The following SLCO3A1 variants were observed in gnomAD, a reference collection of about 807,000 sequenced individuals.
SLCO3A1 encodes the protein solute carrier organic anion transporter family member 3A1.
Under a neutral mutation model 63.1 loss-of-function variants are expected in SLCO3A1, and 27 were observed. That is an observed-to-expected ratio of 0.43 (90% CI 0.32 to 0.59). The LOEUF (loss-of-function observed/expected upper bound fraction) is 0.59, where lower values mean the gene tolerates loss of function less well. Ranked by LOEUF, SLCO3A1 falls within the 20% of genes least tolerant of loss-of-function variation. The pLI, the probability that SLCO3A1 is intolerant of heterozygous loss-of-function variation, is 0.09. For synonymous variants in SLCO3A1, 473 were observed against 409.9 expected (o/e 1.15, Z -1.86); for missense variants, 773 against 945.8 (o/e 0.82, Z 2.40).
At chr15:92,105,268 T>G (rs1054159830) in intron 4 of SLCO3A1, among the ~76,000 whole-genome samples, 2 of 151,822 alleles carry the variant, frequency 1.3e-5, no homozygotes, top group Non-Finnish European at 2.9e-5. Context: ...AGCAAGACTC[T>G]CATCTCAAAA....
At position 92,164,074 on chromosome 15, in the gene SLCO3A1, G is replaced by A. The variant is rs1189731880; in HGVS notation, c.*939G>A. ...CAATCCATATGAATTTCAAACTGTT[G>A]TATGTATAATCCTCTAATACTATTT... On this transcript the variant is annotated 3_prime_UTR_variant, in exon 10 of 10. Transcript: ENST00000318445. 2 of 981,582 alleles carry A rather than the reference G, an allele frequency of 2.0e-6. No individual in the cohort carries two copies. Among genetic ancestry groups the A allele is most frequent in the Non-Finnish European group, 2.4e-6 (2 of 826,522 alleles). The allele number at this position is 981,582 out of a possible 1,614,324, so 60.8% of individuals were successfully genotyped here.
intron 2 of SLCO3A1, among the ~76,000 whole-genome samples, chr15:92,056,090 G>A (rs1361929249): frequency 6.6e-6 from 1 of 151,980 alleles, no homozygotes; most frequent in Non-Finnish European, 1.5e-5. Flanking sequence ...AGTCTTTGTT[G>A]CGTCTGCAGT....
intron 2 of SLCO3A1, among the ~76,000 whole-genome samples, chr15:92,015,896 G>A (rs1416404835): frequency 1.3e-5 from 2 of 152,166 alleles, no homozygotes; most frequent in Non-Finnish European, 2.9e-5. Flanking sequence ...AGCTGGAAAA[G>A]TAAGACATAA....
At chr15:91,976,356 G>T (rs372567067) in intron 2 of SLCO3A1, among the ~76,000 whole-genome samples, 1 of 152,130 alleles carries the variant, frequency 6.6e-6, no homozygotes, top group African/African-American at 2.4e-5. Context: ...AATTAATTTT[G>T]CATGTTTCTA....
rs1416383870 is a variant in SLCO3A1 at position 91,897,369 on chromosome 15, T to A, written c.181-18624T>A. Among the ~76,000 whole-genome samples, 1 of 152,070 alleles carries A rather than the reference T, an allele frequency of 6.6e-6. No individual in the cohort carries two copies. Among genetic ancestry groups the A allele is most frequent in the Non-Finnish European group, 1.5e-5 (1 of 68,020 alleles). On this transcript the variant is annotated intron_variant, in intron 1 of 9. Coordinates refer to ENST00000318445, the MANE Select transcript of SLCO3A1 (RefSeq NM_013272.4). This position sits in a 1 kb window ranked among gnomAD's most constrained non-coding sequence, Gnocchi z 4.7. Reference sequence around the variant, plus strand: ...AGGAGGCTGAGGCACGAGAATTGCTTGAACCCAGGAGGCAGAGGTTGCAGT... The same window carrying A: ...AGGAGGCTGAGGCACGAGAATTGCTAGAACCCAGGAGGCAGAGGTTGCAGT...
chr15:92,073,996 C>G (rs1203532453), intron 2 of SLCO3A1, among the ~76,000 whole-genome samples: 2 of 152,144 alleles, frequency 1.3e-5, no homozygotes, highest in Non-Finnish European at 2.9e-5. Context: ...TGGTGAAACC[C>G]CCGTCTCTAC....
At chr15:91,910,927 C>G (rs987363171) in intron 1 of SLCO3A1, among the ~76,000 whole-genome samples, 2 of 152,208 alleles carry the variant, frequency 1.3e-5, no homozygotes, top group African/African-American at 2.4e-5. Context: ...GGACACACCT[C>G]TGGGAGAGCC....
intron 2 of SLCO3A1, among the ~76,000 whole-genome samples, chr15:92,077,494 C>T (rs1373925183): frequency 6.6e-6 from 1 of 152,226 alleles, no homozygotes; most frequent in Non-Finnish European, 1.5e-5. Context: ...ACTGCTTCAG[C>T]CACACCAGTG....
chr15:91,906,485 G>T (rs1567179421), intron 1 of SLCO3A1, among the ~76,000 whole-genome samples: 1 of 152,196 alleles, frequency 6.6e-6, no homozygotes, highest in Non-Finnish European at 1.5e-5. Flanking sequence ...CAATGCATTT[G>T]ACAGGAAGCC....
intron 2 of SLCO3A1, among the ~76,000 whole-genome samples, chr15:92,064,126 C>T (rs574205011): frequency 6.6e-6 from 1 of 152,310 alleles, no homozygotes; most frequent in Admixed American, 6.5e-5. Context: ...TAACAGAGCC[C>T]TGCTGAGGCT....
chr15:92,046,723 A>G (rs1041513076), intron 2 of SLCO3A1, among the ~76,000 whole-genome samples: 2 of 151,560 alleles, frequency 1.3e-5, no homozygotes, highest in Non-Finnish European at 1.5e-5. Context: ...TCCTTGATTT[A>G]CTTCAGGTAG....
At chr15:92,156,478 C>T (rs1002501295) in intron 9 of SLCO3A1, among the ~76,000 whole-genome samples, 1 of 152,220 alleles carries the variant, frequency 6.6e-6, no homozygotes, top group Non-Finnish European at 1.5e-5. Context: ...GAGCCTAGCT[C>T]TGCCTTTCCT....
intron 1 of SLCO3A1, among the ~76,000 whole-genome samples, chr15:91,911,695 T>C (rs891475322): frequency 6.6e-6 from 1 of 152,118 alleles, no homozygotes; most frequent in Admixed American, 6.5e-5. Flanking sequence ...GGCGCAGTCT[T>C]GGCTCACTGC....
At chr15:92,006,169 C>G (rs542462446) in intron 2 of SLCO3A1, among the ~76,000 whole-genome samples, 1 of 152,270 alleles carries the variant, frequency 6.6e-6, no homozygotes, top group South Asian at 2.1e-4. Context: ...AATTAGGTCT[C>G]TCACATAAGC....
At chr15:91,871,741 G>A (rs994495129) in intron 1 of SLCO3A1, among the ~76,000 whole-genome samples, 3 of 134,542 alleles carry the variant, frequency 2.2e-5, no homozygotes, top group African/African-American at 8.6e-5. Flanking sequence ...TGACACTGGG[G>A]TGTGCTCATT....
intron 2 of SLCO3A1, among the ~76,000 whole-genome samples, chr15:92,048,821 C>A (rs969722655): frequency 6.6e-6 from 1 of 152,172 alleles, no homozygotes; most frequent in African/African-American, 2.4e-5. Context: ...TTGCTTGAAC[C>A]CGGAAGGCGG....
chr15:91,985,467 A>G (rs1429731211), intron 2 of SLCO3A1, among the ~76,000 whole-genome samples: 1 of 152,138 alleles, frequency 6.6e-6, no homozygotes, highest in Admixed American at 6.5e-5. Flanking sequence ...GCCCACATTT[A>G]TGTGGGATGC....
intron 2 of SLCO3A1, among the ~76,000 whole-genome samples, chr15:91,976,989 G>A (rs1901140112): frequency 6.6e-6 from 1 of 152,120 alleles, no homozygotes; most frequent in South Asian, 2.1e-4. Flanking sequence ...AGGGTTTTGA[G>A]ATCAACCAGT....
At chr15:91,884,881 T>C (rs1345151569) in intron 1 of SLCO3A1, among the ~76,000 whole-genome samples, 1 of 152,160 alleles carries the variant, frequency 6.6e-6, no homozygotes, top group Non-Finnish European at 1.5e-5. Flanking sequence ...CTGATTCTTT[T>C]AGACCTGAGG....
Sources: gnomAD v4.1 joint callset for allele counts (sites outside exome capture counted in the v4.1 genomes callset) on GRCh38, gnomAD v4.1.1 for gene constraint, Gnocchi (gnomAD v3.1) non-coding constraint, MANE v1.5 for transcripts, NCBI Gene and HGNC (gene_info 2026-07-23, HGNC 2026-07-21) for gene names.